The following GUCY1A2 variants were observed in gnomAD, a reference collection of about 807,000 sequenced individuals.
GUCY1A2 encodes guanylate cyclase soluble subunit alpha-2.
GUCY1A2 carries 27 observed loss-of-function variants against 63.5 expected under a neutral mutation model. The observed-to-expected ratio is 0.43, with a 90% CI of 0.31 to 0.59. The LOEUF is 0.59. GUCY1A2 is among the 20% of genes least tolerant of loss of function. The pLI is 0.11. For missense variants in GUCY1A2, 768 were observed against 913.3 expected (o/e 0.84, Z 2.05); for synonymous variants, 364 against 343.5 (o/e 1.06, Z -0.66).
At chr11:106,986,152 T>G (rs368262649) in intron 1 of GUCY1A2, 21 bp from the exon 2 acceptor site, 3 of 1,215,606 alleles carry the variant, frequency 2.5e-6, no homozygotes, top group South Asian at 2.4e-5. Context: ...ATAATAATAA[T>G]AAAAACATAT....
At chr11:106,969,738 A>G (rs1010681627) in intron 3 of GUCY1A2, among the ~76,000 whole-genome samples, 1 of 152,296 alleles carries the variant, frequency 6.6e-6, no homozygotes, top group South Asian at 2.1e-4. Context: ...CTCAGAGAAA[A>G]AGCAATAATA....
At chr11:107,011,377 T>C (rs1281227260) in intron 1 of GUCY1A2, among the ~76,000 whole-genome samples, 7 of 151,442 alleles carry the variant, frequency 4.6e-5, no homozygotes, top group Non-Finnish European at 1.5e-5. Context: ...GACAAAAAGG[T>C]GAACAAAAAG....
At chr11:106,998,581 T>C (rs1437692001) in intron 1 of GUCY1A2, among the ~76,000 whole-genome samples, 2 of 152,216 alleles carry the variant, frequency 1.3e-5, no homozygotes, top group African/African-American at 4.8e-5. Context: ...ACATTTTAAC[T>C]TCCTTGCATG....
intron 3 of GUCY1A2, among the ~76,000 whole-genome samples, chr11:106,963,336 C>T (rs1861084684): frequency 6.6e-6 from 1 of 152,272 alleles, no homozygotes; most frequent in South Asian, 2.1e-4. Context: ...AGCTACATGT[C>T]CGTGTATAGA....
chr11:106,839,953 A>G (rs1192064073), intron 4 of GUCY1A2, among the ~76,000 whole-genome samples: 2 of 151,936 alleles, frequency 1.3e-5, no homozygotes, highest in Non-Finnish European at 2.9e-5. Context: ...GCACATGTAT[A>G]CATATGTAAC....
At chr11:106,770,339 A>G (rs1233324276) in intron 6 of GUCY1A2, among the ~76,000 whole-genome samples, 1 of 152,148 alleles carries the variant, frequency 6.6e-6, no homozygotes, top group African/African-American at 2.4e-5. Context: ...ATGTCTATAC[A>G]TGTTCAATAC....
At chr11:106,795,582 A>C (rs911550715) in intron 5 of GUCY1A2, among the ~76,000 whole-genome samples, 5 of 152,098 alleles carry the variant, frequency 3.3e-5, no homozygotes, top group Non-Finnish European at 7.4e-5. Context: ...CTCACAGCTA[A>C]ATCAGCAGTC....
At chr11:107,001,235 A>G (rs539428926) in intron 1 of GUCY1A2, among the ~76,000 whole-genome samples, 1 of 152,334 alleles carries the variant, frequency 6.6e-6, no homozygotes, top group South Asian at 2.1e-4. Context: ...AATTATAAGT[A>G]TTTTCCCCAA....
At chr11:106,971,210 C>T (rs1247745639) in intron 3 of GUCY1A2, among the ~76,000 whole-genome samples, 1 of 123,046 alleles carries the variant, frequency 8.1e-6, no homozygotes, top group East Asian at 2.4e-4. Flanking sequence ...TTACTGTATA[C>T]AAATTTAAAT....
chr11:106,838,537 T>C (rs1273863738), intron 4 of GUCY1A2, among the ~76,000 whole-genome samples: 3 of 152,018 alleles, frequency 2.0e-5, no homozygotes, highest in Admixed American at 6.6e-5. Flanking sequence ...TTTTCATCTT[T>C]ATAAGCAGCC....
chr11:106,756,981 C>T (rs1349877017), intron 6 of GUCY1A2, among the ~76,000 whole-genome samples: 1 of 152,198 alleles, frequency 6.6e-6, no homozygotes, highest in Non-Finnish European at 1.5e-5. Context: ...CTTTCAAGTA[C>T]ACCGATCAAA....
chr11:106,899,041 A>G (rs2135483508), intron 4 of GUCY1A2, among the ~76,000 whole-genome samples: 1 of 152,340 alleles, frequency 6.6e-6, no homozygotes, highest in East Asian at 1.9e-4. Context: ...TTAAAATGTT[A>G]TTAAGCCACA....
intron 6 of GUCY1A2, among the ~76,000 whole-genome samples, chr11:106,733,157 T>C (rs1863532236): frequency 6.6e-6 from 1 of 152,208 alleles, no homozygotes; most frequent in Non-Finnish European, 1.5e-5. Context: ...ATCACGGTTT[T>C]TTAAACTGCT....
At chr11:106,881,877 G>T (rs148820850) in intron 4 of GUCY1A2, among the ~76,000 whole-genome samples, 450 of 152,090 alleles carry the variant, frequency 3.0e-3, no homozygotes, top group African/African-American at 0.011. Flanking sequence ...TATTATTATA[G>T]AATTCATACA....
At chr11:106,915,126 T>C (rs1481205651) in intron 4 of GUCY1A2, among the ~76,000 whole-genome samples, 6 of 152,058 alleles carry the variant, frequency 3.9e-5, no homozygotes, top group Admixed American at 3.9e-4. Flanking sequence ...AGAAGAAAAA[T>C]TATACAGATC....
At chr11:106,805,290 G>A (rs2135421365) in intron 5 of GUCY1A2, among the ~76,000 whole-genome samples, 1 of 151,216 alleles carries the variant, frequency 6.6e-6, no homozygotes, top group East Asian at 1.9e-4. Context: ...CTGTTGCCCA[G>A]GCTGGAATGC....
rs930013279 is a variant in GUCY1A2 at position 107,018,228 on chromosome 11, G to C, written c.-173C>G. 2 of 186,072 alleles carry C rather than the reference G, an allele frequency of 1.1e-5. No homozygotes were observed. Among genetic ancestry groups the C allele is most frequent in the African/African-American group, 4.8e-5 (2 of 41,536 alleles). 11.5% of individuals were successfully genotyped at this position (186,072 alleles called of 1,614,324 possible). ...CGGGGCCGCGGAGCCCCCCGAGCCG[G>C]CTGCTCATGGCGGGAACTTGGGGCG... is the stretch of plus-strand genomic sequence containing the variant. On this transcript the variant is annotated 5_prime_UTR_variant, in exon 1 of 8. Transcript: ENST00000526355.
At chr11:106,850,281 T>C (rs889080867) in intron 4 of GUCY1A2, among the ~76,000 whole-genome samples, 3 of 151,794 alleles carry the variant, frequency 2.0e-5, no homozygotes, top group South Asian at 4.1e-4. Context: ...GTGTGTACAA[T>C]GGGTAATGAT....
At position 106,738,776 on chromosome 11, in the gene GUCY1A2, G is replaced by T. The variant is rs190710537; in HGVS notation, c.1837-30110C>A. On this transcript the variant is annotated intron_variant, in intron 6 of 7. Coordinates refer to ENST00000526355, the MANE Select transcript of GUCY1A2 (RefSeq NM_000855.3). The stretch of plus-strand genomic sequence containing the variant: ...ACATCTGTTTTGGTACCAGTACCAT[G>T]CTGTTTTGGTTACTGTAGCCTTGTA... Among the ~76,000 whole-genome samples, 89 of 152,260 alleles carry T rather than the reference G, an allele frequency of 5.8e-4. 1 individual carries two copies. The highest frequency in any genetic ancestry group is 2.0e-3 in the African/African-American group (84 of 41,556).
Sources: allele counts gnomAD v4.1 joint callset (sites outside exome capture counted in the v4.1 genomes callset), GRCh38; gene constraint gnomAD v4.1.1; transcripts MANE v1.5; gene names NCBI Gene and HGNC (gene_info 2026-07-23, HGNC 2026-07-21).